The following DLGAP2 variants were observed in gnomAD, a reference collection of about 807,000 sequenced individuals.
The protein encoded by DLGAP2 is DLG associated protein 2.
In DLGAP2, 26 loss-of-function variants were observed where a neutral mutation model predicts 100.3. The observed-to-expected ratio is 0.26, with a 90% CI of 0.19 to 0.36. DLGAP2 has a LOEUF of 0.36. Among genes scored for constraint, DLGAP2 ranks in the 10% least tolerant of loss-of-function variants. The pLI, the probability that DLGAP2 is intolerant of heterozygous loss-of-function variation, is 1.00. For missense variants in DLGAP2, 1,858 were observed against 1,453.2 expected (o/e 1.28, Z -4.53); for synonymous variants, 886 against 630.1 (o/e 1.41, Z -6.08).
rs11385260 is a variant in DLGAP2, at chr8:1,241,745, G to GAA, written c.74-17097_74-17096dup. On this transcript the variant is annotated intron_variant, in intron 2 of 14. Transcript: ENST00000637795. ...AACCAGCAAAACATATGTAAGTGGT[G>GAA]AAAAAAAAAACTAATAAATTCTGGA... Among the ~76,000 whole-genome samples, 350 of 150,818 alleles carry GAA rather than the reference G, an allele frequency of 2.3e-3. 3 individuals carry two copies. The East Asian group carries it at 0.047, about 20-fold the overall frequency.
At chr8:1,334,235 C>G (rs1801221366) in intron 3 of DLGAP2, among the ~76,000 whole-genome samples, 1 of 152,206 alleles carries the variant, frequency 6.6e-6, no homozygotes, top group South Asian at 2.1e-4. Context: ...TGGCTGCACA[C>G]CTGAGCTGGT....
At chr8:1,505,400 C>G (rs535196438) in intron 4 of DLGAP2, among the ~76,000 whole-genome samples, 1 of 152,238 alleles carries the variant, frequency 6.6e-6, no homozygotes, top group South Asian at 2.1e-4. Context: ...TTTTCCAACT[C>G]CCCTCAGTCT....
chr8:1,372,576 A>G, intron 3 of DLGAP2, among the ~76,000 whole-genome samples: 1 of 152,264 alleles, frequency 6.6e-6, no homozygotes, highest in African/African-American at 2.4e-5. Flanking sequence ...GCTGCCTGCT[A>G]GATGCCAGGA....
intron 1 of DLGAP2, among the ~76,000 whole-genome samples, chr8:786,023 C>T (rs1339960809): frequency 6.6e-6 from 1 of 152,238 alleles, no homozygotes; most frequent in Non-Finnish European, 1.5e-5. Flanking sequence ...TGAGCCTTTT[C>T]TGCAGAGAGC....
At chr8:1,346,255 A>T (rs1211648697) in intron 3 of DLGAP2, among the ~76,000 whole-genome samples, 1 of 150,324 alleles carries the variant, frequency 6.7e-6, no homozygotes, top group Non-Finnish European at 1.5e-5. Context: ...CATTGCTCTC[A>T]TGGTAGCTGT....
intron 2 of DLGAP2, among the ~76,000 whole-genome samples, chr8:1,196,661 C>A (rs1344620588): frequency 1.1e-4 from 16 of 152,140 alleles, no homozygotes; most frequent in Admixed American, 1.0e-3. Context: ...AATTTGAAAA[C>A]CACATATGTC....
chr8:919,649 C>T (rs890855944), intron 2 of DLGAP2, among the ~76,000 whole-genome samples: 9 of 152,196 alleles, frequency 5.9e-5, no homozygotes, highest in East Asian at 5.8e-4. Context: ...GGGATCCGTC[C>T]GGCCGAGAAG....
At chr8:1,426,779 A>T (rs1481626188) in intron 3 of DLGAP2, among the ~76,000 whole-genome samples, 1 of 152,244 alleles carries the variant, frequency 6.6e-6, no homozygotes, top group Non-Finnish European at 1.5e-5. Context: ...GAAAAATAAA[A>T]TTCCCACCTA....
At chr8:1,445,256 A>C (rs1195436328) in intron 3 of DLGAP2, among the ~76,000 whole-genome samples, 1 of 94,496 alleles carries the variant, frequency 1.1e-5, no homozygotes. Flanking sequence ...ACCCCACAAC[A>C]GTCCCCAGAG....
At chr8:1,191,445 T>A (rs12676811) in intron 2 of DLGAP2, among the ~76,000 whole-genome samples, 1 of 152,092 alleles carries the variant, frequency 6.6e-6, no homozygotes, top group African/African-American at 2.4e-5. Context: ...GCGGGGATTA[T>A]AGGCGTGAGC....
At chr8:1,663,622 T>C (rs758557255) in intron 8 of DLGAP2, among the ~76,000 whole-genome samples, 36 of 152,062 alleles carry the variant, frequency 2.4e-4, no homozygotes, top group Admixed American at 1.4e-3. Context: ...AGCCCCCCTT[T>C]CCCTTGCGCC....
At chr8:1,361,530 A>G (rs1801982024) in intron 3 of DLGAP2, among the ~76,000 whole-genome samples, 1 of 152,190 alleles carries the variant, frequency 6.6e-6, no homozygotes, top group South Asian at 2.1e-4. Context: ...TTGCATAAAC[A>G]TTTCTTCAGC....
At chr8:1,308,594 C>G (rs1341709170) in intron 3 of DLGAP2, among the ~76,000 whole-genome samples, 2 of 152,184 alleles carry the variant, frequency 1.3e-5, no homozygotes, top group African/African-American at 2.4e-5. Context: ...GGTGTGATCT[C>G]AGCTCACTGC....
At chr8:1,694,266 G>A (rs1799323482) in intron 13 of DLGAP2, among the ~76,000 whole-genome samples, 2 of 152,198 alleles carry the variant, frequency 1.3e-5, no homozygotes, top group Admixed American at 6.5e-5. Context: ...GGCAGGAGAG[G>A]AGTGTTGACT....
chr8:1,571,007 C>G (rs1445024532), intron 6 of DLGAP2, among the ~76,000 whole-genome samples: 310 of 30,622 alleles, frequency 0.01, no homozygotes, highest in Middle Eastern at 0.026. Context: ...GAAGAGAGAG[C>G]GGTGAACTGG....
intron 2 of DLGAP2, among the ~76,000 whole-genome samples, chr8:1,085,447 G>A (rs932452882): frequency 1.3e-5 from 2 of 152,154 alleles, no homozygotes; most frequent in South Asian, 2.1e-4. Flanking sequence ...ATATTATGTA[G>A]TCTTTTCCCC....
chr8:1,178,965 G>A (rs559969869), intron 2 of DLGAP2, among the ~76,000 whole-genome samples: 6 of 149,596 alleles, frequency 4.0e-5, no homozygotes, highest in African/African-American at 7.3e-5. Flanking sequence ...CCCTGGTCTC[G>A]TCTCCAGTTC....
chr8:1,162,442 T>G (rs1585112623), intron 2 of DLGAP2, among the ~76,000 whole-genome samples: 1 of 152,204 alleles, frequency 6.6e-6, no homozygotes, highest in African/African-American at 2.4e-5. Flanking sequence ...GCAGTCTGTT[T>G]CTACTCGTGG....
chr8:951,780 A>G (rs1400031035), intron 2 of DLGAP2, among the ~76,000 whole-genome samples: 1 of 152,214 alleles, frequency 6.6e-6, no homozygotes, highest in East Asian at 1.9e-4. Flanking sequence ...GATGAGTTTT[A>G]AAGGAGGAGA....
Sources: gnomAD v4.1 joint callset for allele counts (sites outside exome capture counted in the v4.1 genomes callset) on GRCh38, gnomAD v4.1.1 for gene constraint, MANE v1.5 for transcripts, NCBI Gene and HGNC (gene_info 2026-07-23, HGNC 2026-07-21) for gene names.